The following UBAP2 variants were observed in gnomAD, a reference collection of about 807,000 sequenced individuals.
UBAP2 encodes ubiquitin associated protein 2.
A neutral mutation model predicts 139.6 loss-of-function variants in UBAP2; 75 were observed. The observed-to-expected ratio is 0.54, with a 90% CI of 0.45 to 0.65. UBAP2 has a LOEUF of 0.65. Ranked by LOEUF, UBAP2 falls within the 30% of genes least tolerant of loss-of-function variation. The pLI, the probability that UBAP2 is intolerant of heterozygous loss-of-function variation, is 0.00. For missense variants in UBAP2, 1,368 were observed against 1,369.6 expected (o/e 1.00, Z 0.02); for synonymous variants, 526 against 526.2 (o/e 1.00, Z 0.01).
intron 1 of UBAP2, among the ~76,000 whole-genome samples, chr9:34,032,000 C>A (rs1379953649): frequency 6.6e-6 from 1 of 151,912 alleles, no homozygotes; most frequent in Non-Finnish European, 1.5e-5. Flanking sequence ...TAAAAATTAG[C>A]CAGGTATGGT....
intron 2 of UBAP2, among the ~76,000 whole-genome samples, chr9:34,013,487 G>C (rs747302155): frequency 6.6e-6 from 1 of 151,204 alleles, no homozygotes; most frequent in Non-Finnish European, 1.5e-5. Context: ...GCAAAACTCC[G>C]TCTCAAAAAA....
intron 1 of UBAP2, among the ~76,000 whole-genome samples, chr9:34,039,085 A>C (rs1200273682): frequency 8.8e-4 from 111 of 125,924 alleles, no homozygotes; most frequent in Middle Eastern, 5.7e-3. Context: ...TCCGCCCGGC[A>C]GCCACCCCGT....
chr9:33,973,315 TCACTACC>T (rs1209070601), intron 6 of UBAP2, 78 bp from the exon 7 acceptor site: 3 of 1,450,636 alleles, frequency 2.1e-6, no homozygotes, highest in Non-Finnish European at 2.9e-6. Flanking sequence ...CATCCTATAC[TCACTACC>T]CAGACAATAT....
chr9:33,959,729 A>T (rs1460146209), intron 10 of UBAP2, among the ~76,000 whole-genome samples: 5 of 152,188 alleles, frequency 3.3e-5, no homozygotes, highest in African/African-American at 1.2e-4. Context: ...AGGTTCTTCT[A>T]GTCAAAAGGG....
chr9:34,003,621 G>A (rs1459358266), intron 2 of UBAP2, among the ~76,000 whole-genome samples: 1 of 152,054 alleles, frequency 6.6e-6, no homozygotes, highest in Non-Finnish European at 1.5e-5. Flanking sequence ...TATTCAGGCT[G>A]GTCTTGAACT....
chr9:33,930,872 G>A (rs1587510230), intron 19 of UBAP2, among the ~76,000 whole-genome samples: 1 of 136,482 alleles, frequency 7.3e-6, no homozygotes, highest in East Asian at 2.2e-4. Flanking sequence ...CTCCAGCCTA[G>A]GCGACAGAGT....
In UBAP2 at chr9:33,923,803, T is replaced by C. The variant is rs887563115; in HGVS notation, c.2788A>G (p.Thr930Ala). The change falls in exon 24 of 29, where the codon ACC becomes GCC. Residue 930 changes from threonine to alanine, a missense_variant. Thr to Ala is a moderately conservative substitution (Grantham distance 58). Transcript: ENST00000379238. ...GMPSAFQYGP[T>A]MFVPPASAKQ... is the part of the protein sequence containing the mutation. ...CCCTCTGAAATACTCACAAACATGG[T>C]GGGGCCATACTGGAAGGCACTGGGC... 1 of 1,613,922 alleles carries C rather than the reference T, an allele frequency of 6.2e-7. No individual in the cohort carries two copies. The highest frequency in any genetic ancestry group is 1.7e-5 in the Admixed American group (1 of 59,994).
At chr9:34,046,375 CG>C (rs1348891357) in intron 1 of UBAP2, among the ~76,000 whole-genome samples, 1 of 151,738 alleles carries the variant, frequency 6.6e-6, no homozygotes, top group African/African-American at 2.4e-5. Flanking sequence ...TCATGCCGGG[CG>C]GGGTGGCTCA....
chr9:33,953,793 G>A (rs886860642), intron 11 of UBAP2, among the ~76,000 whole-genome samples: 1 of 151,946 alleles, frequency 6.6e-6, no homozygotes, highest in African/African-American at 2.4e-5. Flanking sequence ...TCTCAAGTTT[G>A]GTTCATTTTA....
Position 33,933,483 on chromosome 9 carries a change from C to T in UBAP2, c.2108+7G>A. 6.2e-7 allele frequency: 1 copy of T among 1,613,518 alleles called. No individual in the cohort carries two copies. The highest frequency in any genetic ancestry group is 8.5e-7 in the Non-Finnish European group (1 of 1,179,828). ...CTTCTCACTTTGGGCCCACACCTTC[C>T]CCATACCTGCTAAGCTGAGAGAGAG... On this transcript the variant is annotated splice_region_variant and intron_variant, in intron 18 of 28. Transcript: ENST00000379238.
chr9:34,036,597 A>C (rs960241920), intron 1 of UBAP2, among the ~76,000 whole-genome samples: 1 of 152,174 alleles, frequency 6.6e-6, no homozygotes, highest in Admixed American at 6.6e-5. Context: ...ACATGTAAGC[A>C]ACTGAAGATC....
chr9:33,939,414 G>C (rs997803747), intron 16 of UBAP2, among the ~76,000 whole-genome samples: 2 of 151,582 alleles, frequency 1.3e-5, no homozygotes, highest in African/African-American at 4.8e-5. Flanking sequence ...GCCCAGGCTG[G>C]TCTCGAACTC....
chr9:34,035,514 A>AAAAAAAATATATATATATATAT, intron 1 of UBAP2, among the ~76,000 whole-genome samples: 3 of 22,490 alleles, frequency 1.3e-4, no homozygotes, highest in Admixed American at 6.9e-4. Context: ...AAAAAAAAAA[A>AAAAAAAATATATATATATATAT]ATATATATAT....
At chr9:34,022,788 A>T (rs1331193040) in intron 1 of UBAP2, among the ~76,000 whole-genome samples, 1 of 152,172 alleles carries the variant, frequency 6.6e-6, no homozygotes, top group Non-Finnish European at 1.5e-5. Flanking sequence ...AACAGAATTA[A>T]GCATCTAATC....
At chr9:33,985,412 T>C (rs1022759893) in intron 6 of UBAP2, among the ~76,000 whole-genome samples, 12 of 152,216 alleles carry the variant, frequency 7.9e-5, no homozygotes, top group Admixed American at 2.0e-4. Flanking sequence ...ATATAGAGAA[T>C]CAACCTAAGT....
intron 6 of UBAP2, among the ~76,000 whole-genome samples, chr9:33,981,522 A>AT (rs573700457): frequency 0.19 from 27,216 of 143,260 alleles, 2,627 homozygotes; most frequent in South Asian, 0.36. Context: ...TGCCCGGCTA[A>AT]TTTTTTTTTT....
rs758948600 is a variant in UBAP2 at position 33,998,860 on chromosome 9, G to A, written c.104C>T (p.Thr35Ile). Residue 35 changes from threonine to isoleucine, a missense_variant, in exon 3 of 29, where the codon ACA becomes ATA. Transcript: ENST00000379238. Reference sequence around the variant, plus strand: ...TTGAGCGAGACGCATCTGTTCAGCTGTTGCCTGGAAAGTACATACAATTGT... The same window carrying A: ...TTGAGCGAGACGCATCTGTTCAGCTATTGCCTGGAAAGTACATACAATTGT... ...TQPQKQVVQA[T>I]AEQMRLAQVI... 1.2e-6 allele frequency: 2 copies of A among 1,609,730 alleles called. No individual in the cohort carries two copies. The highest frequency in any genetic ancestry group is 2.2e-5 in the East Asian group (1 of 44,842).
intron 6 of UBAP2, 148 bp from the exon 7 acceptor site, chr9:33,973,385 G>T: frequency 1.3e-6 from 1 of 776,292 alleles, no homozygotes; most frequent in Non-Finnish European, 2.2e-6. Context: ...CCAATTAACT[G>T]ATCCCTGCTG....
rs567717501 is a variant in UBAP2 at position 33,957,140 on chromosome 9, G to A, written c.799-994C>T. On this transcript the variant is annotated intron_variant, in intron 10 of 28. Transcript: ENST00000379238. Reference sequence around the variant, plus strand: ...AGAAGTTTGTAAAGGTGAAATAATCGATGTTTTCTCCCCCCAAAGACAGAT... The same window carrying A: ...AGAAGTTTGTAAAGGTGAAATAATCAATGTTTTCTCCCCCCAAAGACAGAT... 1.3e-4 allele frequency among the ~76,000 whole-genome samples: 19 copies of A among 151,496 alleles called. No individual in the cohort carries two copies. In the South Asian group the frequency reaches 1.5e-3, roughly 12 times the overall value.
Sources: allele counts gnomAD v4.1 joint callset (sites outside exome capture counted in the v4.1 genomes callset), GRCh38; gene constraint gnomAD v4.1.1; transcripts MANE v1.5; gene names NCBI Gene and HGNC (gene_info 2026-07-23, HGNC 2026-07-21).